The following NUDCD3 variants were observed in gnomAD, a reference collection of about 807,000 sequenced individuals.
The protein encoded by NUDCD3 is nudC domain-containing protein 3.
In NUDCD3, 13 loss-of-function variants were observed where a neutral mutation model predicts 39.7. The ratio of observed to expected loss-of-function variants is 0.33; its 90% CI spans 0.21 to 0.52. NUDCD3 has a LOEUF of 0.52. Ranked by LOEUF, NUDCD3 falls within the 20% of genes least tolerant of loss-of-function variation. NUDCD3 has a pLI of 0.96. For missense variants in NUDCD3, 453 were observed against 458.1 expected (o/e 0.99, Z 0.10); for synonymous variants, 175 against 172.4 (o/e 1.02, Z -0.12).
intron 1 of NUDCD3, among the ~76,000 whole-genome samples, chr7:44,488,074 C>T (rs1299763219): frequency 6.6e-6 from 1 of 151,740 alleles, no homozygotes; most frequent in African/African-American, 2.4e-5. Flanking sequence ...CAGTGGCTCA[C>T]ACCTGTAATC....
intron 4 of NUDCD3, among the ~76,000 whole-genome samples, chr7:44,398,568 A>T (rs954995701): frequency 6.6e-6 from 1 of 152,180 alleles, no homozygotes. Context: ...GTCCTCACAG[A>T]AACTTCCACC....
intron 2 of NUDCD3, among the ~76,000 whole-genome samples, chr7:44,433,276 G>A (rs967613097): frequency 1.3e-5 from 2 of 152,108 alleles, no homozygotes; most frequent in Admixed American, 6.6e-5. Flanking sequence ...GTGTGTGTGT[G>A]TATAGTACAT....
chr7:44,471,826 G>A (rs1303040665), intron 2 of NUDCD3: 2 of 152,162 alleles, frequency 1.3e-5, no homozygotes, highest in South Asian at 2.1e-4. Flanking sequence ...CAGAGATGAA[G>A]CAACAGGTCT....
chr7:44,465,751 CGTGA>C (rs1800105845), intron 2 of NUDCD3, among the ~76,000 whole-genome samples: 1 of 151,660 alleles, frequency 6.6e-6, no homozygotes, highest in Non-Finnish European at 1.5e-5. Flanking sequence ...CAGACAGGGC[CGTGA>C]GTGAGAAGAC....
At chr7:44,422,954 G>A (rs777890283) in intron 3 of NUDCD3, among the ~76,000 whole-genome samples, 4 of 152,096 alleles carry the variant, frequency 2.6e-5, no homozygotes, top group African/African-American at 4.8e-5. Context: ...CGATCAAGTC[G>A]GCTTCATCCC....
chr7:44,440,744 T>C (rs1336480936), intron 2 of NUDCD3, among the ~76,000 whole-genome samples: 1 of 152,146 alleles, frequency 6.6e-6, no homozygotes, highest in Non-Finnish European at 1.5e-5. Flanking sequence ...CAAATTCCTC[T>C]ATCTCATTAA....
chr7:44,470,253 C>T (rs1213786860), intron 2 of NUDCD3, among the ~76,000 whole-genome samples: 1 of 152,104 alleles, frequency 6.6e-6, no homozygotes, highest in Admixed American at 6.5e-5. Context: ...AGAACACTGA[C>T]TCCATACCAC....
In NUDCD3 at chr7:44,485,240, C is replaced by CT; in HGVS notation, c.236dup (p.Arg80GlufsTer6). On this transcript the variant is annotated frameshift_variant, in exon 2 of 6. Coordinates refer to ENST00000355451, the MANE Select transcript of NUDCD3 (RefSeq NM_015332.4). LOFTEE classifies it high-confidence loss of function. ...TTTTCTCTTCAAGTTCCTGCCTTCT[C>CT]TTCTCATCATCCTGACGGGCCATGT... The CT allele has an allele frequency of 6.2e-7, 1 of 1,614,076 alleles. No homozygotes were observed. The highest frequency in any genetic ancestry group is 8.5e-7 in the Non-Finnish European group (1 of 1,179,950).
intron 1 of NUDCD3, among the ~76,000 whole-genome samples, chr7:44,489,058 CAACAG>C (rs1481356796): frequency 6.6e-6 from 1 of 152,220 alleles, no homozygotes; most frequent in Admixed American, 6.5e-5. Flanking sequence ...AATGGTTAAA[CAACAG>C]AACAGGAAGA....
chr7:44,446,048 C>T (rs1799684744), intron 2 of NUDCD3, among the ~76,000 whole-genome samples: 1 of 152,202 alleles, frequency 6.6e-6, no homozygotes, highest in East Asian at 1.9e-4. Flanking sequence ...CTGTAGCTGA[C>T]ATTACTGCAC....
At chr7:44,468,255 T>A (rs1253064699) in intron 2 of NUDCD3, 4 of 1,589,138 alleles carry the variant, frequency 2.5e-6, no homozygotes, top group Non-Finnish European at 3.4e-6. Context: ...CAACTGGCCA[T>A]CAGAGTCACC....
intron 2 of NUDCD3, among the ~76,000 whole-genome samples, chr7:44,469,142 CAGG>C (rs951063025): frequency 6.4e-5 from 4 of 62,162 alleles, no homozygotes; most frequent in African/African-American, 2.6e-4. Flanking sequence ...AAAAAAAAAA[CAGG>C]AGATTTCAGT....
chr7:44,423,358 G>C (rs996090978), intron 3 of NUDCD3, among the ~76,000 whole-genome samples: 1 of 152,160 alleles, frequency 6.6e-6, no homozygotes, highest in African/African-American at 2.4e-5. Context: ...AATTGTCTCT[G>C]TTTGCAGATG....
intron 4 of NUDCD3, among the ~76,000 whole-genome samples, chr7:44,402,090 G>C (rs767763446): frequency 5.9e-5 from 9 of 152,338 alleles, no homozygotes; most frequent in Middle Eastern, 3.4e-3. Context: ...CTTCTCCAGA[G>C]ACTCCCGTTT....
Position 44,490,494 on chromosome 7 carries a change from C to G in NUDCD3, c.107G>C (p.Arg36Pro). The change falls in exon 1 of 6, where the codon CGC becomes CCC. Residue 36 changes from arginine to proline, a missense_variant. By Grantham distance (103) the Arg-to-Pro change is moderately radical. Coordinates refer to ENST00000355451, the MANE Select transcript of NUDCD3 (RefSeq NM_015332.4). ...FLRVLFGFLY[R>P]KTDFYRLLRH... ...CAGCAAGCGATAGAAGTCTGTCTTG[C>G]GGTAGAGGAAGCCAAAGAGAACGCG... The G allele has an allele frequency of 6.2e-7, 1 of 1,609,378 alleles. No homozygotes were observed. The highest frequency in any genetic ancestry group is 8.5e-7 in the Non-Finnish European group (1 of 1,178,214).
intron 3 of NUDCD3, among the ~76,000 whole-genome samples, chr7:44,410,455 G>A (rs1272465431): frequency 6.6e-6 from 1 of 151,934 alleles, no homozygotes; most frequent in Admixed American, 6.6e-5. Context: ...GAGGTCAGAA[G>A]ATCAAGACCA....
At chr7:44,390,987 C>A (rs1459446958) in intron 5 of NUDCD3, among the ~76,000 whole-genome samples, 1 of 152,094 alleles carries the variant, frequency 6.6e-6, no homozygotes, top group East Asian at 1.9e-4. Flanking sequence ...GAAAAGGGGG[C>A]CAAACCTAGA....
At chr7:44,423,919 C>T (rs928222529) in intron 3 of NUDCD3, among the ~76,000 whole-genome samples, 6 of 152,186 alleles carry the variant, frequency 3.9e-5, no homozygotes, top group African/African-American at 7.2e-5. Context: ...ATAACCAAAA[C>T]GGCATAGTAC....
intron 2 of NUDCD3, among the ~76,000 whole-genome samples, chr7:44,440,545 C>T (rs1435590827): frequency 9.1e-5 from 12 of 132,326 alleles, no homozygotes; most frequent in Non-Finnish European, 1.3e-4. Context: ...TAACTTGACA[C>T]AGGATTTTTT....
Sources: gnomAD v4.1 joint callset for allele counts (sites outside exome capture counted in the v4.1 genomes callset) on GRCh38, gnomAD v4.1.1 for gene constraint, MANE v1.5 for transcripts, NCBI Gene and HGNC (gene_info 2026-07-23, HGNC 2026-07-21) for gene names.